Variants in POMZP3 observed in about 807,000 individuals in gnomAD.
The protein encoded by POMZP3 is POM121 and ZP3 fusion protein.
A neutral mutation model predicts 19.8 loss-of-function variants in POMZP3; 10 were observed. That is an observed-to-expected ratio of 0.51 (90% CI 0.31 to 0.86). POMZP3 has a LOEUF of 0.86. Ranked by LOEUF, POMZP3 falls within the 40% of genes least tolerant of loss-of-function variation. The pLI is 0.04. For synonymous variants in POMZP3, 57 were observed against 85.8 expected (o/e 0.66, Z 1.85); for missense variants, 152 against 228.1 (o/e 0.67, Z 2.15).
chr7:76,624,461 T>TG (rs1815744838), intron 3 of POMZP3, among the ~76,000 whole-genome samples: 1 of 151,644 alleles, frequency 6.6e-6, no homozygotes. Flanking sequence ...AATTTTTTTT[T>TG]TTTTCAGACA....
intron 3 of POMZP3, among the ~76,000 whole-genome samples, chr7:76,619,564 G>C (rs1236566018): frequency 6.7e-6 from 1 of 148,234 alleles, no homozygotes; most frequent in African/African-American, 2.5e-5. Context: ...TTCTTTGTCT[G>C]AAATTTTCCG....
chr7:76,625,762 C>G, intron 2 of POMZP3, 79 bp from the exon 3 acceptor site: 6 of 1,510,090 alleles, frequency 4.0e-6, no homozygotes, highest in Non-Finnish European at 5.4e-6. Context: ...AGAAGCTAAC[C>G]AACAAGCCAA....
chr7:76,625,451 G>A (rs1029907180), intron 3 of POMZP3, 71 bp downstream of exon 3: 13 of 1,598,560 alleles, frequency 8.1e-6, no homozygotes, highest in South Asian at 2.2e-5. Context: ...GTATCTTTAC[G>A]GGAATGTCTA....
chr7:76,620,865 T>G (rs1193442230), intron 3 of POMZP3, among the ~76,000 whole-genome samples: 1 of 45,012 alleles, frequency 2.2e-5, no homozygotes, highest in East Asian at 3.8e-4. Context: ...AAAGCCATTT[T>G]TTTTTTTTTT....
Position 76,610,157 on chromosome 7 carries a change from G to A in POMZP3, c.*70C>T, listed in dbSNP as rs1388802931. The A allele has an allele frequency of 1.9e-6, 3 of 1,568,550 alleles. No homozygotes were observed. The African/African-American group carries it at 4.9e-5, about 26-fold the overall frequency. ...GCAAAGCCCACTGCTCTACTTCATG[G>A]TCACCCCTCCTGTCCAGGAAGATCA... On this transcript the variant is annotated 3_prime_UTR_variant, in exon 7 of 7. Coordinates refer to ENST00000310842, the MANE Select transcript of POMZP3 (RefSeq NM_012230.5).
At chr7:76,623,874 A>G (rs866516656) in intron 3 of POMZP3, among the ~76,000 whole-genome samples, 37 of 151,472 alleles carry the variant, frequency 2.4e-4, no homozygotes, top group Admixed American at 6.6e-4. Context: ...GTTTTTTGAG[A>G]TAAGTTTTTT....
At chr7:76,617,016 C>T (rs1815312540) in intron 4 of POMZP3, among the ~76,000 whole-genome samples, 1 of 94,696 alleles carries the variant, frequency 1.1e-5, no homozygotes, top group East Asian at 2.7e-4. Flanking sequence ...AAAAATTAGC[C>T]AGGCATGGTG....
At chr7:76,610,476 G>A (rs1815038846) in intron 6 of POMZP3, among the ~76,000 whole-genome samples, 1 of 151,834 alleles carries the variant, frequency 6.6e-6, no homozygotes, top group Non-Finnish European at 1.5e-5. Flanking sequence ...AACACGGCAA[G>A]ACCCGTCTCT....
At position 76,626,631 on chromosome 7, in the gene POMZP3, A is replaced by T. The variant is rs866026464; in HGVS notation, c.-152+77T>A. The stretch of plus-strand genomic sequence containing the variant: ...CAATTCCCTTCGGATTTGATGAAAA[A>T]GCAAATCGGATTTAAAAGTCCTCGA... On this transcript the variant is annotated intron_variant, in intron 1 of 6. Transcript: ENST00000310842. The T allele has an allele frequency of 1.2e-4, 155 of 1,296,008 alleles. 3 individuals are homozygous for T. The highest frequency in any genetic ancestry group is 9.4e-4 in the Admixed American group (26 of 27,518). 80.3% of individuals were successfully genotyped at this position (1,296,008 alleles called of 1,614,324 possible). A position where few individuals can be genotyped will look rare whatever the true frequency, so the allele number is the denominator to read the frequency against.
chr7:76,625,902 T>C, intron 2 of POMZP3, 98 bp downstream of exon 2: 1 of 1,550,746 alleles, frequency 6.4e-7, no homozygotes, highest in Non-Finnish European at 8.8e-7. Context: ...AGATTCGTCC[T>C]TTCTTTTTTG....
At chr7:76,624,583 C>G (rs1367736215) in intron 3 of POMZP3, among the ~76,000 whole-genome samples, 1 of 151,068 alleles carries the variant, frequency 6.6e-6, no homozygotes, top group Non-Finnish European at 1.5e-5. Flanking sequence ...GTAGCTGGGA[C>G]TACAGGCACC....
chr7:76,625,757 C>G lies in POMZP3; in HGVS notation c.66-74G>C, dbSNP rs189406257. On this transcript the variant is annotated intron_variant, in intron 2 of 6. Coordinates refer to ENST00000310842, the MANE Select transcript of POMZP3 (RefSeq NM_012230.5). ...CCATATCAGAAATGGAAATCAGAAG[C>G]TAACCAACAAGCCAAAGTATAATTT... is the stretch of plus-strand genomic sequence containing the variant. The G allele has an allele frequency of 5.2e-6, 8 of 1,539,972 alleles. No homozygotes were observed. In the Admixed American group the frequency reaches 1.3e-4, roughly 26 times the overall value.
chr7:76,619,036 T>C (rs2906475), intron 3 of POMZP3, among the ~76,000 whole-genome samples: 12 of 152,236 alleles, frequency 7.9e-5, no homozygotes, highest in South Asian at 2.1e-4. Context: ...ATTCCTCTTG[T>C]CTCAGCCTCC....
At chr7:76,617,637 A>G (rs562970510) in intron 4 of POMZP3, among the ~76,000 whole-genome samples, 1 of 98,288 alleles carries the variant, frequency 1.0e-5, no homozygotes, top group East Asian at 2.4e-4. Flanking sequence ...CGAAGTTCAC[A>G]CTGGTTTTCT....
intron 3 of POMZP3, among the ~76,000 whole-genome samples, chr7:76,622,906 C>G (rs1009097092): frequency 2.7e-5 from 4 of 150,774 alleles, no homozygotes; most frequent in African/African-American, 4.9e-5. Flanking sequence ...GGGTCTTGCT[C>G]TGTTGCCCTG....
At chr7:76,621,140 G>C (rs930114189) in intron 3 of POMZP3, 43 of 148,824 alleles carry the variant, frequency 2.9e-4, no homozygotes, top group African/African-American at 1.0e-3. Flanking sequence ...CTGAGCTGGC[G>C]CCATCACCGG....
chr7:76,622,843 G>A (rs904534987), intron 3 of POMZP3, among the ~76,000 whole-genome samples: 3 of 151,548 alleles, frequency 2.0e-5, no homozygotes, highest in Non-Finnish European at 2.9e-5. Context: ...ATTCAAACTC[G>A]AGCCCTTTTT....
intron 3 of POMZP3, among the ~76,000 whole-genome samples, chr7:76,621,646 A>G (rs1322298978): frequency 6.6e-6 from 1 of 151,782 alleles, no homozygotes; most frequent in Non-Finnish European, 1.5e-5. Context: ...CTGATAAAAC[A>G]GGTTGCAGTG....
chr7:76,624,638 G>T (rs1041840254), intron 3 of POMZP3, among the ~76,000 whole-genome samples: 6 of 146,612 alleles, frequency 4.1e-5, no homozygotes, highest in African/African-American at 1.2e-4. Context: ...TAGAGACGGG[G>T]TTTCACCATG....
Sources: allele counts gnomAD v4.1 joint callset (sites outside exome capture counted in the v4.1 genomes callset), GRCh38; gene constraint gnomAD v4.1.1; transcripts MANE v1.5; gene names NCBI Gene and HGNC (gene_info 2026-07-23, HGNC 2026-07-21).